The following TMEM63B variants were observed in gnomAD, a reference collection of about 807,000 sequenced individuals.
TMEM63B encodes transmembrane protein 63B.
TMEM63B carries 23 observed loss-of-function variants against 102.6 expected under a neutral mutation model. The ratio of observed to expected loss-of-function variants is 0.22; its 90% CI spans 0.16 to 0.32. The LOEUF is 0.32. Among genes scored for constraint, TMEM63B ranks in the 10% least tolerant of loss-of-function variants. TMEM63B has a pLI of 1.00. For synonymous variants in TMEM63B, 444 were observed against 437.0 expected, an observed-to-expected ratio of 1.02 and a Z score of -0.20; for missense variants, 628 against 1,095.9, an observed-to-expected ratio of 0.57 and a Z score of 6.03.
At chr6:44,140,507 A>G (rs746980408) in intron 9 of TMEM63B, 147 bp downstream of exon 9, 1 of 708,488 alleles carries the variant, frequency 1.4e-6, no homozygotes, top group African/African-American at 1.7e-5. Context: ...TGCAAGTTAC[A>G]TAACCTCCCA....
chr6:44,147,778 C>T (rs1009479494), intron 12 of TMEM63B, among the ~76,000 whole-genome samples: 20 of 152,190 alleles, frequency 1.3e-4, no homozygotes, highest in Admixed American at 3.3e-4. Flanking sequence ...ATGGGGTTAA[C>T]GTACCCACCT....
In TMEM63B at chr6:44,154,168, C is replaced by T. The variant is rs1270856356; in HGVS notation, c.2206C>T (p.Leu736Phe). ...CHVCFGHFKY[L>F]SAHNYKIEHT... ...CGTCTGCTTTGGACACTTCAAATAC[C>T]TCAGTGCCCACAACTACAAGGTGTG... The change falls in exon 22 of 24, where the codon CTC (leucine) becomes TTC (phenylalanine). Residue 736 changes from leucine (L) to phenylalanine (F), a missense_variant. This residue lies in a region of TMEM63B where 129 missense variants were observed against 153.5 expected (regional missense o/e 0.84). Coordinates refer to ENST00000323267, the MANE Select transcript of TMEM63B (RefSeq NM_018426.3). 2 of 1,614,036 alleles carry T rather than the reference C, an allele frequency of 1.2e-6. No homozygotes were observed. Among genetic ancestry groups the T allele is most frequent in the Non-Finnish European group, 1.7e-6 (2 of 1,179,940 alleles).
chr6:44,128,462 C>T (rs1777646122), intron 1 of TMEM63B, among the ~76,000 whole-genome samples: 1 of 152,248 alleles, frequency 6.6e-6, no homozygotes, highest in Admixed American at 6.5e-5. Flanking sequence ...CTGTCTTGAC[C>T]GCCTAAGGCG....
chr6:44,137,989 C>T (rs1190937593), intron 5 of TMEM63B, among the ~76,000 whole-genome samples: 3 of 152,072 alleles, frequency 2.0e-5, no homozygotes, highest in East Asian at 3.9e-4. Context: ...CGTGAGCCAC[C>T]GCACCTGGCC....
At position 44,141,034 on chromosome 6, in the gene TMEM63B, C is replaced by A; in HGVS notation, c.718C>A (p.Arg240=). The change falls in exon 10 of 24, where the codon CGG becomes AGG. Residue 240 remains arginine, a synonymous_variant. Coordinates refer to ENST00000323267, the MANE Select transcript of TMEM63B (RefSeq NM_018426.3). ...MRYKEDDLVK[R]TLFINGISKY... ...CCACTCCCCTGTCACCCAGGTGAAG[C>A]GGACCCTCTTCATCAATGGAATCTC... The A allele has an allele frequency of 6.2e-7, 1 of 1,613,960 alleles. No individual in the cohort carries two copies. The highest frequency in any genetic ancestry group is 1.7e-5 in the Admixed American group (1 of 60,002).
At chr6:44,154,226 G>A (rs762524271) in intron 22 of TMEM63B, 38 bp downstream of exon 22, 2 of 1,607,064 alleles carry the variant, frequency 1.2e-6, no homozygotes, top group South Asian at 1.1e-5. Context: ...GCTGCGGGCA[G>A]GAGCTCAAGG....
intron 1 of TMEM63B, among the ~76,000 whole-genome samples, chr6:44,130,302 C>G (rs1778015466): frequency 6.6e-6 from 1 of 152,200 alleles, no homozygotes. Flanking sequence ...ATCTCAGTGT[C>G]CTCCTGGGGT....
Position 44,147,447 on chromosome 6 carries a change from A to T in TMEM63B, c.934A>T (p.Asn312Tyr). 1 of 1,614,182 alleles carries T rather than the reference A, an allele frequency of 6.2e-7. No homozygotes were observed. Among genetic ancestry groups the T allele is most frequent in the East Asian group, 2.2e-5 (1 of 44,874 alleles). ...QSKENVPTMI[N>Y]PKPCGHLCCC... ...CAAGGAGAACGTGCCTACCATGATCAACCCCAAGCCCTGTGGCCACCTCTG... is the reference window on the plus strand; with the variant it reads ...CAAGGAGAACGTGCCTACCATGATCTACCCCAAGCCCTGTGGCCACCTCTG... Residue 312 changes from asparagine to tyrosine, a missense_variant, in exon 12 of 24, where the codon AAC (asparagine) becomes TAC (tyrosine). By Grantham distance (143) the Asn-to-Tyr change is moderately radical. Around this residue, in one of 6 missense-constraint regions of TMEM63B, gnomAD observed 336 missense variants for 580.3 expected, o/e 0.58. Coordinates refer to ENST00000323267, the MANE Select transcript of TMEM63B (RefSeq NM_018426.3).
Position 44,150,424 on chromosome 6 carries a change from C to G in TMEM63B, c.1607+114C>G. ...AAAGCAAGGGGCCCAAGATGGGAAG[C>G]CTGGCCACCCCCAGGCCTCCTGAGC... On this transcript the variant is annotated intron_variant, in intron 17 of 23. Coordinates refer to ENST00000323267, the MANE Select transcript of TMEM63B (RefSeq NM_018426.3). The surrounding 1 kb of genome is among the most constrained non-coding windows in gnomAD (Gnocchi z 4.7). 1 of 1,451,682 alleles carries G rather than the reference C, an allele frequency of 6.9e-7. No homozygotes were observed. The highest frequency in any genetic ancestry group is 1.2e-5 in the South Asian group (1 of 85,958). 89.9% of individuals were successfully genotyped at this position (1,451,682 alleles called of 1,614,324 possible).
intron 5 of TMEM63B, among the ~76,000 whole-genome samples, chr6:44,137,992 A>G (rs1266590388): frequency 1.3e-5 from 2 of 151,976 alleles, no homozygotes; most frequent in Non-Finnish European, 2.9e-5. Flanking sequence ...GAGCCACCGC[A>G]CCTGGCCGGA....
chr6:44,147,647 C>A, intron 12 of TMEM63B, 147 bp downstream of exon 12: 1 of 1,168,858 alleles, frequency 8.6e-7, no homozygotes, highest in Non-Finnish European at 1.2e-6. Context: ...AATGTCCCTA[C>A]AGTGACCAGG....
At chr6:44,134,938 G>A in intron 2 of TMEM63B, 79 bp from the exon 3 acceptor site, 1 of 1,558,968 alleles carries the variant, frequency 6.4e-7, no homozygotes, top group Non-Finnish European at 8.8e-7. Flanking sequence ...ACAAGATTTT[G>A]GACCCTCTGC....
At chr6:44,130,542 T>A (rs1029989064) in intron 1 of TMEM63B, among the ~76,000 whole-genome samples, 7 of 148,920 alleles carry the variant, frequency 4.7e-5, no homozygotes, top group Non-Finnish European at 8.9e-5. Context: ...TGGGCTCAGG[T>A]GATCTTCGCA....
Position 44,154,741 on chromosome 6 carries a change from A to ATGGGGC in TMEM63B, c.2359_2364dup (p.Gly787_Ala788dup), listed in dbSNP as rs1370189512. 6.9e-6 allele frequency: 11 copies of ATGGGGC among 1,591,780 alleles called. No homozygotes were observed. Among genetic ancestry groups the ATGGGGC allele is most frequent in the Non-Finnish European group, 9.4e-6 (11 of 1,171,310 alleles). ...GACTCAGAGGTGGACGGGGATGGGGATGGGGCTCCTGGGAGCTCAGGGGAT... is the reference window on the plus strand; with the variant it reads ...GACTCAGAGGTGGACGGGGATGGGGATGGGGCTGGGGCTCCTGGGAGCTCAGGGGAT... On this transcript the variant is annotated inframe_insertion, in exon 24 of 24. Coordinates refer to ENST00000323267, the MANE Select transcript of TMEM63B (RefSeq NM_018426.3).
chr6:44,128,775 G>T (rs1195500636), intron 1 of TMEM63B, among the ~76,000 whole-genome samples: 1 of 152,222 alleles, frequency 6.6e-6, no homozygotes, highest in East Asian at 1.9e-4. Context: ...GGGAGTGTCA[G>T]CCAGGCTTCA....
At position 44,134,488 on chromosome 6, in the gene TMEM63B, T is replaced by TACTGGG; in HGVS notation, c.-24-73_-24-72insACTGGG. On this transcript the variant is annotated intron_variant, in intron 1 of 23. Transcript: ENST00000323267. The stretch of plus-strand genomic sequence containing the variant: ...CTGGTGATCTGTCCTCACTGCCCCC[T>TACTGGG]CCCCACGCCCACCCTACTGGGCCAT... 2.0e-6 allele frequency: 3 copies of TACTGGG among 1,488,866 alleles called. No homozygotes were observed. In the South Asian group the frequency reaches 3.9e-5, roughly 19 times the overall value. The allele number at this position is 1,488,866 out of a possible 1,614,324, so 92.2% of individuals were successfully genotyped here.
In TMEM63B at chr6:44,148,413, T is replaced by C; in HGVS notation, c.1121+28T>C. 6.2e-7 allele frequency: 1 copy of C among 1,614,128 alleles called. No homozygotes were observed. The highest frequency in any genetic ancestry group is 8.5e-7 in the Non-Finnish European group (1 of 1,179,964). On this transcript the variant is annotated intron_variant, in intron 13 of 23. Coordinates refer to ENST00000323267, the MANE Select transcript of TMEM63B (RefSeq NM_018426.3). This position sits in a 1 kb window ranked among gnomAD's most constrained non-coding sequence, Gnocchi z 5.1. The stretch of plus-strand genomic sequence containing the variant: ...GAGTCCCCAACTCGGCCCTCGGCCC[T>C]GAGCAGCCCTCCAGGGCTCCCTGAC...
At position 44,150,052 on chromosome 6, in the gene TMEM63B, C is replaced by T. The variant is rs765112478; in HGVS notation, c.1520+87C>T. 76 of 1,440,188 alleles carry T rather than the reference C, an allele frequency of 5.3e-5. No homozygotes were observed. Among genetic ancestry groups the T allele is most frequent in the Non-Finnish European group, 5.7e-5 (60 of 1,044,922 alleles). The allele number at this position is 1,440,188 out of a possible 1,614,324, so 89.2% of individuals were successfully genotyped here. A position where few individuals can be genotyped will look rare whatever the true frequency, so the allele number is the denominator to read the frequency against. ...TGGGCAGCACTTTGCCCTTCAGGCT[C>T]CTGGCCCTGGGCAGTCCCACAGCTG... On this transcript the variant is annotated intron_variant, in intron 16 of 23. Coordinates refer to ENST00000323267, the MANE Select transcript of TMEM63B (RefSeq NM_018426.3). This position sits in a 1 kb window ranked among gnomAD's most constrained non-coding sequence, Gnocchi z 4.7.
chr6:44,128,294 G>T lies in TMEM63B; in HGVS notation c.-25+616G>T, dbSNP rs1305508786. On this transcript the variant is annotated intron_variant, in intron 1 of 23. Transcript: ENST00000323267. Reference sequence around the variant, plus strand: ...GCGGGCTGGAGAGGCGGCCGGCCCCGGGAGCGTGTCCTCTCCTTGCGCCCC... The same window carrying T: ...GCGGGCTGGAGAGGCGGCCGGCCCCTGGAGCGTGTCCTCTCCTTGCGCCCC... 2.0e-5 allele frequency among the ~76,000 whole-genome samples: 3 copies of T among 152,216 alleles called. No individual in the cohort carries two copies. In the South Asian group the frequency reaches 6.2e-4, roughly 32 times the overall value.
Sources: allele counts gnomAD v4.1 joint callset (sites outside exome capture counted in the v4.1 genomes callset), GRCh38; gene constraint gnomAD v4.1.1; regional missense constraint gnomAD v4.1.1; non-coding constraint Gnocchi (gnomAD v3.1); transcripts MANE v1.5; gene names NCBI Gene and HGNC (gene_info 2026-07-23, HGNC 2026-07-21).